Variants in LARGE1 observed in about 807,000 individuals in gnomAD.
The protein encoded by LARGE1 is xylosyl- and glucuronyltransferase LARGE1.
A neutral mutation model predicts 87.6 loss-of-function variants in LARGE1; 43 were observed. The ratio of observed to expected loss-of-function variants is 0.49; its 90% CI spans 0.38 to 0.63. The LOEUF is 0.63. Ranked by LOEUF, LARGE1 falls within the 30% of genes least tolerant of loss-of-function variation. The pLI is 0.00. For missense variants in LARGE1, 802 were observed against 1,000.2 expected (o/e 0.80, Z 2.67); for synonymous variants, 434 against 394.6 (o/e 1.10, Z -1.18).
chr22:33,765,345 G>A (rs1053244479), intron 1 of LARGE1, among the ~76,000 whole-genome samples: 1 of 151,768 alleles, frequency 6.6e-6, no homozygotes, highest in African/African-American at 2.4e-5. Context: ...TCTTTCCCAG[G>A]GTGAAATATA....
intron 1 of LARGE1, among the ~76,000 whole-genome samples, chr22:33,797,198 A>G (rs999560589): frequency 1.3e-5 from 2 of 152,170 alleles, no homozygotes; most frequent in African/African-American, 4.8e-5. Context: ...AGAAGCAAGC[A>G]GAGGAAAAAG....
the LARGE1 span, among the ~76,000 whole-genome samples, chr22:33,111,571 T>A: frequency 1.3e-5 from 2 of 152,248 alleles, no homozygotes; most frequent in Admixed American, 6.5e-5. Flanking sequence ...TCACTGACAA[T>A]TCCCCCCGTC....
chr22:33,300,132 G>A (rs1256686410), intron 12 of LARGE1, among the ~76,000 whole-genome samples: 1 of 152,204 alleles, frequency 6.6e-6, no homozygotes, highest in Non-Finnish European at 1.5e-5. Context: ...GGTACCCTGG[G>A]GGTTTGGGAG....
chr22:33,733,570 T>C (rs1230907352), intron 2 of LARGE1: 4 of 152,202 alleles, frequency 2.6e-5, no homozygotes, highest in African/African-American at 4.8e-5. Flanking sequence ...ACTTTGAGCT[T>C]TGATACAGGT....
At chr22:33,858,949 C>G (rs1217433660) in intron 1 of LARGE1, among the ~76,000 whole-genome samples, 1 of 151,894 alleles carries the variant, frequency 6.6e-6, no homozygotes, top group Non-Finnish European at 1.5e-5. Flanking sequence ...GATCAGAAAA[C>G]CAAACACCGC....
the LARGE1 span, among the ~76,000 whole-genome samples, chr22:33,109,586 T>C: frequency 6.6e-6 from 1 of 152,234 alleles, no homozygotes; most frequent in Non-Finnish European, 1.5e-5. Flanking sequence ...AAAGTTACCA[T>C]TAATTAATTA....
At chr22:33,334,739 C>T (rs1485870795) in intron 10 of LARGE1, among the ~76,000 whole-genome samples, 2 of 152,212 alleles carry the variant, frequency 1.3e-5, no homozygotes, top group African/African-American at 4.8e-5. Context: ...CATGGGCCTC[C>T]TGGGCCCAGA....
the LARGE1 span, among the ~76,000 whole-genome samples, chr22:33,068,989 G>A: frequency 6.6e-6 from 1 of 152,192 alleles, no homozygotes; most frequent in Admixed American, 6.5e-5. Context: ...CTTAAGTGGT[G>A]GCCTGTTTGA....
At chr22:33,194,745 G>C (rs535524742) in intron 11 of LARGE1, among the ~76,000 whole-genome samples, 37 of 152,254 alleles carry the variant, frequency 2.4e-4, no homozygotes, top group Non-Finnish European at 4.4e-5. Flanking sequence ...GACACGGAAT[G>C]ATAGTGCTGG....
intron 1 of LARGE1, among the ~76,000 whole-genome samples, chr22:33,914,642 G>A (rs909845287): frequency 2.6e-5 from 4 of 152,134 alleles, no homozygotes; most frequent in Non-Finnish European, 4.4e-5. Context: ...TCAGCCTTGT[G>A]TATTTGCAGT....
At chr22:33,770,679 T>C (rs8138783) in intron 1 of LARGE1, among the ~76,000 whole-genome samples, 56,721 of 151,882 alleles carry the variant, frequency 0.37, 10,829 homozygotes, top group East Asian at 0.48. Context: ...AGTGAGACCC[T>C]ATCTCTAAAA....
upstream of LARGE1, among the ~76,000 whole-genome samples, chr22:33,921,946 AAG>A (rs1461563209): frequency 6.6e-6 from 1 of 151,894 alleles, no homozygotes; most frequent in Non-Finnish European, 1.5e-5. This position sits in a 1 kb window ranked among gnomAD's most constrained non-coding sequence, Gnocchi z 4.1. Flanking sequence ...CAGGGAGAGA[AAG>A]AGGACGCCGA....
At chr22:33,126,362 T>G in the LARGE1 span, among the ~76,000 whole-genome samples, 1 of 152,250 alleles carries the variant, frequency 6.6e-6, no homozygotes, top group African/African-American at 2.4e-5. Context: ...AGTCACTCTC[T>G]GATTTGTGTT....
At chr22:33,764,401 T>C (rs2084832990) in intron 1 of LARGE1, among the ~76,000 whole-genome samples, 1 of 152,112 alleles carries the variant, frequency 6.6e-6, no homozygotes, top group Non-Finnish European at 1.5e-5. Context: ...AGTATTTGCA[T>C]ATAACCTACA....
At chr22:33,107,162 A>C in the LARGE1 span, among the ~76,000 whole-genome samples, 5 of 152,258 alleles carry the variant, frequency 3.3e-5, no homozygotes, top group Admixed American at 2.6e-4. Context: ...CACCACAGTC[A>C]GCACTTCCAA....
In LARGE1 at chr22:33,718,046, A is replaced by G. The variant is rs1022057423; in HGVS notation, c.106+43325T>C. On this transcript the variant is annotated intron_variant, in intron 2 of 14. Transcript: ENST00000397394. ...GATACGCCATTTGAAGATAGGCTCA[A>G]TCACAATATTGCAGTAGAGACAACC... is the stretch of plus-strand genomic sequence containing the variant. Among the ~76,000 whole-genome samples, 4 of 152,228 alleles carry G rather than the reference A, an allele frequency of 2.6e-5. No homozygotes were observed. The East Asian group carries it at 7.7e-4, about 29-fold the overall frequency.
intron 11 of LARGE1, among the ~76,000 whole-genome samples, chr22:33,180,107 C>T (rs11913962): frequency 0.036 from 5,416 of 152,238 alleles, 329 homozygotes; most frequent in African/African-American, 0.12. Flanking sequence ...CCCTCACCAG[C>T]CAGCACCTTG....
chr22:33,511,855 G>A (rs1453145404), intron 6 of LARGE1, among the ~76,000 whole-genome samples: 1 of 152,132 alleles, frequency 6.6e-6, no homozygotes, highest in African/African-American at 2.4e-5. Context: ...GCCAGAGATG[G>A]CTTTTGTCAA....
chr22:33,531,819 G>C (rs1005148489), intron 6 of LARGE1, among the ~76,000 whole-genome samples: 1 of 152,212 alleles, frequency 6.6e-6, no homozygotes, highest in Non-Finnish European at 1.5e-5. Flanking sequence ...TCAAAGAAGG[G>C]AGAGGAAGTT....
Sources: gnomAD v4.1 joint callset for allele counts (sites outside exome capture counted in the v4.1 genomes callset) on GRCh38, gnomAD v4.1.1 for gene constraint, Gnocchi (gnomAD v3.1) non-coding constraint, MANE v1.5 for transcripts, NCBI Gene and HGNC (gene_info 2026-07-23, HGNC 2026-07-21) for gene names.